The following DMD variants were observed in gnomAD, a reference collection of about 807,000 sequenced individuals.
DMD encodes the protein mutant dystrophin.
A neutral mutation model predicts 330.1 loss-of-function variants in DMD; 63 were observed. The ratio of observed to expected loss-of-function variants is 0.19; its 90% CI spans 0.16 to 0.24. DMD has a LOEUF of 0.24. Among genes scored for constraint, DMD ranks in the 10% least tolerant of loss-of-function variants. The pLI is 1.00. For missense variants in DMD, 3,344 were observed against 2,684.1 expected, an observed-to-expected ratio of 1.25 and a Z score of -5.43; for synonymous variants, 1,223 against 959.8, an observed-to-expected ratio of 1.27 and a Z score of -5.07.
At chrX:32,821,422 A>C (rs1441072825) in intron 5 of DMD, among the ~76,000 whole-genome samples, 1 of 93,010 alleles carries the variant, frequency 1.1e-5, no homozygotes. Context: ...GTCTCTACTA[A>C]AAATACAAAA....
chrX:32,174,205 A>G (rs2096898223), intron 44 of DMD, among the ~76,000 whole-genome samples: 1 of 112,433 alleles, frequency 8.9e-6, no homozygotes, highest in South Asian at 3.7e-4. Context: ...CACAGAGGAG[A>G]AATAAGACTG....
intron 9 of DMD, among the ~76,000 whole-genome samples, chrX:32,651,847 T>G (rs1284661876): frequency 8.9e-6 from 1 of 112,427 alleles, no homozygotes; most frequent in African/African-American, 3.2e-5. Flanking sequence ...CAGAAGAAGC[T>G]GAGCAAAAAA....
chrX:33,238,812 G>A (rs1200609108), intron 1 of DMD, among the ~76,000 whole-genome samples: 1 of 111,228 alleles, frequency 9.0e-6, no homozygotes, highest in Non-Finnish European at 1.9e-5. Flanking sequence ...AATCTGCTAA[G>A]TAAAGGATAG....
At chrX:32,067,723 A>C (rs1440870063) in intron 44 of DMD, among the ~76,000 whole-genome samples, 1 of 111,667 alleles carries the variant, frequency 9.0e-6, no homozygotes, top group Non-Finnish European at 1.9e-5. Flanking sequence ...TTTATGGTGT[A>C]TGTGTACAAC....
chrX:31,758,114 T>C (rs1271752509), intron 51 of DMD, among the ~76,000 whole-genome samples: 1 of 111,289 alleles, frequency 9.0e-6, no homozygotes, highest in Admixed American at 9.6e-5. Flanking sequence ...CAAACTATGA[T>C]ATTATCTTTA....
intron 47 of DMD, among the ~76,000 whole-genome samples, chrX:31,901,732 C>T (rs1337259130): frequency 9.0e-6 from 1 of 111,071 alleles, no homozygotes; most frequent in African/African-American, 3.3e-5. Flanking sequence ...TGGATATGCC[C>T]TCTATTATAT....
intron 7 of DMD, among the ~76,000 whole-genome samples, chrX:32,765,170 A>G (rs1363278608): frequency 1.8e-5 from 2 of 108,114 alleles, no homozygotes; most frequent in Non-Finnish European, 3.8e-5. Context: ...CTACGATGAT[A>G]TAATTTAACT....
intron 62 of DMD, among the ~76,000 whole-genome samples, chrX:31,284,607 T>TCTTCTTCTTCTTCTTCTTCTTCTTC (rs61693430): frequency 2.0e-4 from 20 of 102,046 alleles, no homozygotes; most frequent in African/African-American, 3.8e-4. Context: ...TTCTTCTTCT[T>TCTTCTTCTTCTTCTTCTTCTTCTTC]TTTTTTGGCA....
chrX:32,143,667 C>T (rs1349201546), intron 44 of DMD, among the ~76,000 whole-genome samples: 1 of 108,746 alleles, frequency 9.2e-6, no homozygotes, highest in African/African-American at 3.4e-5. Flanking sequence ...CTTAACCTCC[C>T]GAGTAGCTGG....
At chrX:31,572,737 A>C (rs2075889787) in intron 55 of DMD, among the ~76,000 whole-genome samples, 1 of 111,913 alleles carries the variant, frequency 8.9e-6, no homozygotes, top group African/African-American at 3.2e-5. Flanking sequence ...TTACTGAATG[A>C]TTTCTCTTCA....
intron 43 of DMD, among the ~76,000 whole-genome samples, chrX:32,217,981 A>G (rs1370353559): frequency 8.9e-6 from 1 of 111,828 alleles, no homozygotes; most frequent in Non-Finnish European, 1.9e-5. Flanking sequence ...AGTCACTAAA[A>G]TTTTAGATTG....
At chrX:32,594,337 T>C (rs1017476175) in intron 13 of DMD, among the ~76,000 whole-genome samples, 1 of 111,127 alleles carries the variant, frequency 9.0e-6, no homozygotes, top group East Asian at 2.9e-4. Flanking sequence ...TTTAGTGCAA[T>C]GGATGAAGGA....
At chrX:32,429,209 C>CTTT (rs781555625) in intron 29 of DMD, among the ~76,000 whole-genome samples, 5 of 75,950 alleles carry the variant, frequency 6.6e-5, no homozygotes, top group African/African-American at 1.6e-4. Context: ...CTTTTCTTTC[C>CTTT]TTTTTTTTTT....
chrX:32,392,235 G>A (rs1001832090), intron 30 of DMD, among the ~76,000 whole-genome samples: 5 of 111,010 alleles, frequency 4.5e-5, no homozygotes, highest in South Asian at 3.9e-4. Context: ...CTTCCAATGC[G>A]GTATGGCTTT....
chrX:32,449,349 C>T (rs2098319323), intron 26 of DMD, among the ~76,000 whole-genome samples: 1 of 110,244 alleles, frequency 9.1e-6, no homozygotes, highest in African/African-American at 3.3e-5. Flanking sequence ...TGAATCCAGA[C>T]AAAAACATCA....
chrX:32,264,125 T>TG (rs2097334496), intron 43 of DMD, among the ~76,000 whole-genome samples: 1 of 110,992 alleles, frequency 9.0e-6, no homozygotes, highest in Admixed American at 9.6e-5. Flanking sequence ...AACTGAATCA[T>TG]GGGGGGTGGT....
intron 44 of DMD, among the ~76,000 whole-genome samples, chrX:32,154,874 CT>C (rs777414768): frequency 9.1e-6 from 1 of 109,517 alleles, no homozygotes; most frequent in South Asian, 3.9e-4. Flanking sequence ...AAAAAATTGC[CT>C]GTTACTGTTA....
chrX:32,687,871 G>C (rs191669191), intron 9 of DMD, among the ~76,000 whole-genome samples: 4 of 111,501 alleles, frequency 3.6e-5, no homozygotes, highest in African/African-American at 1.3e-4. Flanking sequence ...CATTACACAG[G>C]TATGCCAAGA....
chrX:32,697,842 G>A, intron 9 of DMD, 28 bp downstream of exon 9: 1 of 1,209,371 alleles, frequency 8.3e-7, no homozygotes, highest in Non-Finnish European at 1.1e-6. Context: ...TCTCTGGTTT[G>A]TACAACAGAG....
Sources: gnomAD v4.1 joint callset for allele counts (sites outside exome capture counted in the v4.1 genomes callset) on GRCh38, gnomAD v4.1.1 for gene constraint, MANE v1.5 for transcripts, NCBI Gene and HGNC (gene_info 2026-07-23, HGNC 2026-07-21) for gene names.